GRIN2A: variants seen among roughly 807,000 people sequenced by gnomAD.
GRIN2A encodes glutamate receptor ionotropic, NMDA 2A.
A neutral mutation model predicts 113.4 loss-of-function variants in GRIN2A; 22 were observed. That is an observed-to-expected ratio of 0.19 (90% confidence interval 0.14 to 0.28). The LOEUF (loss-of-function observed/expected upper bound fraction) is 0.28, where lower values mean the gene tolerates loss of function less well. GRIN2A is among the 10% of genes least tolerant of loss of function. The pLI is 1.00. For synonymous variants in GRIN2A, 827 were observed against 738.4 expected (o/e 1.12, Z -1.94); for missense variants, 1,502 against 1,887.0 (o/e 0.80, Z 3.78).
At chr16:9,997,629 T>C (rs2046249537) in intron 2 of GRIN2A, among the ~76,000 whole-genome samples, 1 of 152,176 alleles carries the variant, frequency 6.6e-6, no homozygotes, top group Admixed American at 6.5e-5. Flanking sequence ...CCTCTGTCTA[T>C]GCATTGATGT....
intron 2 of GRIN2A, among the ~76,000 whole-genome samples, chr16:10,064,529 T>C (rs190569917): frequency 9.8e-5 from 15 of 152,362 alleles, no homozygotes; most frequent in African/African-American, 3.6e-4. Flanking sequence ...CTACTGTTCA[T>C]GCCTCTACAT....
intron 9 of GRIN2A, among the ~76,000 whole-genome samples, chr16:9,823,751 G>C (rs147958765): frequency 1.0e-3 from 158 of 152,284 alleles, no homozygotes; most frequent in African/African-American, 3.7e-3. Context: ...ATCTATTTAA[G>C]ATTATGCAAC....
intron 2 of GRIN2A, among the ~76,000 whole-genome samples, chr16:10,020,897 A>G (rs142253927): frequency 1.6e-4 from 25 of 152,340 alleles, no homozygotes; most frequent in Non-Finnish European, 2.6e-4. Context: ...GTCTGGACAG[A>G]CAACTGAGAT....
chr16:9,991,414 A>G (rs1389403575), intron 2 of GRIN2A, among the ~76,000 whole-genome samples: 1 of 152,224 alleles, frequency 6.6e-6, no homozygotes, highest in East Asian at 1.9e-4. Context: ...GTTCTTTTAA[A>G]AATAGATTTA....
chr16:10,166,198 C>A (rs2049919554), intron 2 of GRIN2A, among the ~76,000 whole-genome samples: 1 of 152,170 alleles, frequency 6.6e-6, no homozygotes, highest in Non-Finnish European at 1.5e-5. Context: ...TCTTCCTGGG[C>A]AGGTATTCCT....
Position 9,996,277 on chromosome 16 carries a change from T to C in GRIN2A, c.415-57726A>G, listed in dbSNP as rs1596400940. Among the ~76,000 whole-genome samples the C allele has an allele frequency of 2.6e-5, 4 of 152,232 alleles. No individual in the cohort carries two copies. In the South Asian group the frequency reaches 8.3e-4, roughly 32 times the overall value. On this transcript the variant is annotated intron_variant, in intron 2 of 12. Coordinates refer to ENST00000330684, the MANE Select transcript of GRIN2A (RefSeq NM_001134407.3). Reference sequence around the variant, plus strand: ...CCAACCTGCATCATAACCTGCCTCTTTCACCTTCCAGAGGGAGCAGACCTC... The same window carrying C: ...CCAACCTGCATCATAACCTGCCTCTCTCACCTTCCAGAGGGAGCAGACCTC...
intron 2 of GRIN2A, among the ~76,000 whole-genome samples, chr16:10,132,351 A>AAAAAAAAAAAAAAAAAAAAAAAAAAAAAC (rs2049083338): frequency 6.6e-6 from 1 of 151,272 alleles, no homozygotes; most frequent in African/African-American, 2.4e-5. Flanking sequence ...AAAAAAAAAA[A>AAAAAAAAAAAAAAAAAAAAAAAAAAAAAC]AAAAAAAGAT....
intron 3 of GRIN2A, among the ~76,000 whole-genome samples, chr16:9,898,053 C>CTTTTTT (rs2043841418): frequency 2.3e-5 from 2 of 85,192 alleles, no homozygotes; most frequent in African/African-American, 7.2e-5. Context: ...GCCTCCATTT[C>CTTTTTT]CTTTTTTTTT....
intron 3 of GRIN2A, among the ~76,000 whole-genome samples, chr16:9,916,711 A>C (rs2044258482): frequency 6.6e-6 from 1 of 152,026 alleles, no homozygotes; most frequent in Non-Finnish European, 1.5e-5. Flanking sequence ...TCAAGGCATG[A>C]CCTCTTTTCC....
chr16:10,014,793 C>G (rs1308341967), intron 2 of GRIN2A, among the ~76,000 whole-genome samples: 1 of 152,016 alleles, frequency 6.6e-6, no homozygotes, highest in Non-Finnish European at 1.5e-5. Context: ...AGGCCATGAA[C>G]AAAGAGACTT....
chr16:10,059,878 C>T (rs1040998086), intron 2 of GRIN2A, among the ~76,000 whole-genome samples: 2 of 152,000 alleles, frequency 1.3e-5, no homozygotes, highest in African/African-American at 4.8e-5. Context: ...GTGTTTCCAA[C>T]AGAGATAATA....
intron 7 of GRIN2A, among the ~76,000 whole-genome samples, chr16:9,839,221 T>A (rs1415260227): frequency 6.6e-6 from 1 of 152,190 alleles, no homozygotes; most frequent in African/African-American, 2.4e-5. Context: ...TCAAAACTCA[T>A]TTATGATAAC....
intron 3 of GRIN2A, among the ~76,000 whole-genome samples, chr16:9,925,598 ACTCT>A (rs559315668): frequency 1.2e-3 from 181 of 152,164 alleles, no homozygotes; most frequent in Middle Eastern, 3.4e-3. Flanking sequence ...CAGCCTGGAA[ACTCT>A]CTCAAGGTGG....
chr16:9,763,764 T>C lies in GRIN2A; in HGVS notation c.3780A>G (p.Pro1260=). The C allele has an allele frequency of 6.2e-7, 1 of 1,614,154 alleles. No individual in the cohort carries two copies. The highest frequency in any genetic ancestry group is 8.5e-7 in the Non-Finnish European group (1 of 1,180,028). ...EDQMLQETGN[P]ATGEQVYQQD... ...GCTGGTAGACCTGCTCCCCGGTGGC[T>C]GGGTTACCTGTCTCCTGAAGCATCT... The change falls in exon 13 of 13, where the codon CCA becomes CCG. Residue 1260 remains proline (P), a synonymous_variant. Coordinates refer to ENST00000330684, the MANE Select transcript of GRIN2A (RefSeq NM_001134407.3).
At chr16:10,033,037 C>G (rs564796496) in intron 2 of GRIN2A, among the ~76,000 whole-genome samples, 1 of 152,302 alleles carries the variant, frequency 6.6e-6, no homozygotes, top group African/African-American at 2.4e-5. Context: ...TGGTTTGCAC[C>G]TGTGGGCAAA....
chr16:9,969,873 C>G (rs534878900), intron 2 of GRIN2A, among the ~76,000 whole-genome samples: 2 of 152,338 alleles, frequency 1.3e-5, no homozygotes, highest in East Asian at 3.9e-4. Context: ...ACAACTCTGC[C>G]TTAAAGCCTT....
intron 4 of GRIN2A, among the ~76,000 whole-genome samples, chr16:9,882,638 T>G (rs893315618): frequency 6.6e-6 from 1 of 152,026 alleles, no homozygotes; most frequent in African/African-American, 2.4e-5. Context: ...GAAATAAAAA[T>G]TAGCCAGGCA....
At chr16:9,871,789 T>G (rs1163370173) in intron 4 of GRIN2A, among the ~76,000 whole-genome samples, 1 of 152,210 alleles carries the variant, frequency 6.6e-6, no homozygotes, top group Non-Finnish European at 1.5e-5. Flanking sequence ...AGGCACTTTT[T>G]TTTTGGAATG....
chr16:9,866,389 T>C (rs2043160795), intron 4 of GRIN2A, among the ~76,000 whole-genome samples: 1 of 152,114 alleles, frequency 6.6e-6, no homozygotes, highest in Non-Finnish European at 1.5e-5. Context: ...AGCTGAGTTT[T>C]AATGACATGT....
Sources: gnomAD v4.1 joint callset for allele counts (sites outside exome capture counted in the v4.1 genomes callset) on GRCh38, gnomAD v4.1.1 for gene constraint, MANE v1.5 for transcripts, NCBI Gene and HGNC (gene_info 2026-07-23, HGNC 2026-07-21) for gene names.